TANC1: variants seen among roughly 807,000 people sequenced by gnomAD.
TANC1 encodes tetratricopeptide repeat, ankyrin repeat and coiled-coil containing 1.
A neutral mutation model predicts 149.7 loss-of-function variants in TANC1; 77 were observed. The observed-to-expected ratio is 0.51, with a 90% confidence interval of 0.43 to 0.62. TANC1 has a LOEUF of 0.62. TANC1 is among the 20% of genes least tolerant of loss of function. The pLI, the probability that TANC1 is intolerant of heterozygous loss-of-function variation, is 0.00. For synonymous variants in TANC1, 854 were observed against 925.0 expected, an observed-to-expected ratio of 0.92 and a Z score of 1.39; for missense variants, 1,985 against 2,321.8, an observed-to-expected ratio of 0.85 and a Z score of 2.98.
Position 159,145,852 on chromosome 2 carries a change from A to G in TANC1, c.365-3290A>G, listed in dbSNP as rs779231456. 2.6e-5 allele frequency among the ~76,000 whole-genome samples: 4 copies of G among 152,324 alleles called. No homozygotes were observed. The East Asian group carries it at 5.8e-4, about 22-fold the overall frequency. On this transcript the variant is annotated intron_variant, in intron 5 of 26. Coordinates refer to ENST00000263635, the MANE Select transcript of TANC1 (RefSeq NM_033394.3). ...CATTCTCTCATCTCCAAATAAAGCC[A>G]TCATACAGCCGTCAGATATTTAAAT... is the stretch of plus-strand genomic sequence containing the variant.
chr2:158,982,638 T>C (rs1490121984), intron 1 of TANC1, among the ~76,000 whole-genome samples: 2 of 152,264 alleles, frequency 1.3e-5, no homozygotes, highest in African/African-American at 4.8e-5. Context: ...GACAGGGTTT[T>C]GCTCTGTTGC....
chr2:159,102,757 T>C, intron 4 of TANC1, among the ~76,000 whole-genome samples: 1 of 74,006 alleles, frequency 1.4e-5, no homozygotes, highest in Non-Finnish European at 3.5e-5. Flanking sequence ...CTCGCTCTAT[T>C]GCCCAGGCTG....
intron 21 of TANC1, 90 bp from the exon 22 acceptor site, chr2:159,219,602 A>T: frequency 6.6e-7 from 1 of 1,512,540 alleles, no homozygotes; most frequent in Non-Finnish European, 9.1e-7. Context: ...CACTTGGTTC[A>T]GGCCGGGTGT....
At chr2:158,977,043 T>A (rs2033762104) in intron 1 of TANC1, among the ~76,000 whole-genome samples, 1 of 152,210 alleles carries the variant, frequency 6.6e-6, no homozygotes, top group African/African-American at 2.4e-5. Context: ...TAACTAGTTT[T>A]AATTACACAT....
intron 19 of TANC1, among the ~76,000 whole-genome samples, chr2:159,210,876 AT>A (rs536087371): frequency 5.6e-4 from 64 of 114,536 alleles, no homozygotes; most frequent in Middle Eastern, 7.9e-3. Flanking sequence ...TGATCTTTTA[AT>A]TTTTTTTTTT....
intron 4 of TANC1, among the ~76,000 whole-genome samples, chr2:159,132,257 G>T (rs2050180152): frequency 1.3e-5 from 2 of 152,260 alleles, no homozygotes; most frequent in Middle Eastern, 6.8e-3. Flanking sequence ...GCTTTGCCTT[G>T]TGTGACCACT....
intron 3 of TANC1, among the ~76,000 whole-genome samples, chr2:159,090,956 T>C (rs2045468231): frequency 6.6e-6 from 1 of 151,620 alleles, no homozygotes; most frequent in Non-Finnish European, 1.5e-5. Context: ...CCAAAAGGAG[T>C]GCTGCAGGAG....
At chr2:159,213,292 C>T (rs1304412551) in intron 19 of TANC1, among the ~76,000 whole-genome samples, 8 of 152,024 alleles carry the variant, frequency 5.3e-5, no homozygotes, top group African/African-American at 1.2e-4. Context: ...ACGTTATCAT[C>T]GTGGCAGGAA....
intron 3 of TANC1, among the ~76,000 whole-genome samples, chr2:159,094,338 T>A (rs1574616660): frequency 1.3e-5 from 2 of 152,234 alleles, no homozygotes; most frequent in East Asian, 3.8e-4. Context: ...TCTGGGGCTG[T>A]GGCCTCAGTG....
At chr2:159,086,540 G>A (rs1439697108) in intron 3 of TANC1, among the ~76,000 whole-genome samples, 2 of 152,202 alleles carry the variant, frequency 1.3e-5, no homozygotes, top group Admixed American at 1.3e-4. Context: ...GACCTTCCTG[G>A]AAGAGGACTC....
At chr2:159,169,501 G>C (rs1407013718) in intron 9 of TANC1, 129 bp downstream of exon 9, 10 of 994,992 alleles carry the variant, frequency 1.0e-5, no homozygotes, top group African/African-American at 6.4e-5. Flanking sequence ...TGTGCTAAAA[G>C]CATATCTGTG....
intron 1 of TANC1, among the ~76,000 whole-genome samples, chr2:158,982,549 A>G (rs1033675001): frequency 6.6e-6 from 1 of 152,260 alleles, no homozygotes; most frequent in African/African-American, 2.4e-5. Context: ...TATCAAAACC[A>G]GATCATCTTC....
In TANC1 at chr2:159,230,198, G is replaced by A. The variant is rs2060264808; in HGVS notation, c.4772G>A (p.Arg1591Lys). 2.5e-6 allele frequency: 4 copies of A among 1,613,930 alleles called. No homozygotes were observed. The African/African-American group carries it at 4.0e-5, about 16-fold the overall frequency. Residue 1591 changes from arginine to lysine, a missense_variant, in exon 27 of 27, where the codon AGA (arginine) becomes AAA (lysine). Around this residue, in one of 3 missense-constraint regions of TANC1, gnomAD observed 920 missense variants for 994.7 expected, o/e 0.92. Transcript: ENST00000263635. The surrounding 1 kb of genome is among the most constrained non-coding windows in gnomAD (Gnocchi z 4.4). ...HLEGTGTFTTRAGCGHFGDRL... is the reference protein window; with the variant it reads ...HLEGTGTFTTKAGCGHFGDRL... ...GAGGGAACAGGTACTTTCACTACAAGAGCTGGTTGTGGCCACTTTGGGGAT... is the reference window on the plus strand; with the variant it reads ...GAGGGAACAGGTACTTTCACTACAAAAGCTGGTTGTGGCCACTTTGGGGAT...
intron 3 of TANC1, among the ~76,000 whole-genome samples, chr2:159,069,230 G>T (rs1325778137): frequency 2.6e-5 from 4 of 152,084 alleles, no homozygotes; most frequent in Non-Finnish European, 5.9e-5. Context: ...ACTTTACCAT[G>T]TTTTTTTAGA....
At chr2:159,218,731 G>A (rs929932625) in intron 20 of TANC1, among the ~76,000 whole-genome samples, 8 of 152,170 alleles carry the variant, frequency 5.3e-5, no homozygotes, top group African/African-American at 1.9e-4. Flanking sequence ...GCTAAAAGTT[G>A]CCTTCCCCGA....
chr2:159,046,557 GGTTCCTATGCACCA>G (rs2041059215), intron 2 of TANC1, among the ~76,000 whole-genome samples: 2 of 85,958 alleles, frequency 2.3e-5, no homozygotes, highest in South Asian at 3.1e-4. Flanking sequence ...GTCTCTTCTG[GGTTCCTATGCACCA>G]TTCTTTTCTT....
intron 4 of TANC1, 118 bp from the exon 5 acceptor site, chr2:159,136,076 A>C: frequency 1.1e-5 from 6 of 529,218 alleles, no homozygotes; most frequent in South Asian, 6.3e-5. Flanking sequence ...AAGGGAGGGG[A>C]AGGCACTGGC....
At chr2:159,028,148 C>T (rs1486801078) in intron 2 of TANC1, among the ~76,000 whole-genome samples, 2 of 152,072 alleles carry the variant, frequency 1.3e-5, no homozygotes, top group African/African-American at 4.8e-5. Context: ...GATACGGAGT[C>T]TCACTCTTGT....
chr2:159,065,640 GT>G (rs34624412), intron 2 of TANC1, among the ~76,000 whole-genome samples: 9,297 of 136,156 alleles, frequency 0.068, 362 homozygotes, highest in Non-Finnish European at 0.091. Context: ...ATGCACTATT[GT>G]TTTTTTTTTT....
Sources: gnomAD v4.1 joint callset for allele counts (sites outside exome capture counted in the v4.1 genomes callset) on GRCh38, gnomAD v4.1.1 for gene constraint, gnomAD v4.1.1 regional missense constraint, Gnocchi (gnomAD v3.1) non-coding constraint, MANE v1.5 for transcripts, NCBI Gene and HGNC (gene_info 2026-07-23, HGNC 2026-07-21) for gene names.